SFI1: variants seen among roughly 807,000 people sequenced by gnomAD.
SFI1 encodes the protein SFI1 centrin binding protein, also known as protein SFI1 homolog.
In SFI1, 195 loss-of-function variants were observed where a neutral mutation model predicts 207.5. The ratio of observed to expected loss-of-function variants is 0.94; its 90% confidence interval spans 0.84 to 1.06. The LOEUF is 1.06. SFI1 is among the 50% of genes least tolerant of loss of function. The probability of loss-of-function intolerance (pLI) is 0.00; values close to 1 mark genes in which losing one functional copy is unlikely to be tolerated. For missense variants in SFI1, 1,634 were observed against 1,588.0 expected, an observed-to-expected ratio of 1.03 and a Z score of -0.49; for synonymous variants, 630 against 598.9, an observed-to-expected ratio of 1.05 and a Z score of -0.76.
chr22:31,578,335 T>G, intron 10 of SFI1, 47 bp from the exon 11 acceptor site: 1 of 1,591,900 alleles, frequency 6.3e-7, no homozygotes, highest in South Asian at 1.1e-5. Context: ...ATGCACTGTG[T>G]AGGGGTCAGA....
At chr22:31,559,767 GC>G in intron 7 of SFI1, 2 of 766,504 alleles carry the variant, frequency 2.6e-6, no homozygotes, top group Non-Finnish European at 4.6e-6. Context: ...GGAAAATATA[GC>G]CAGGTCCTAG....
intron 2 of SFI1, among the ~76,000 whole-genome samples, chr22:31,516,284 G>C (rs143850653): frequency 6.6e-6 from 1 of 152,000 alleles, no homozygotes; most frequent in African/African-American, 2.4e-5. Context: ...AGGCCAAGGA[G>C]GGTGGATCAC....
intron 1 of SFI1, among the ~76,000 whole-genome samples, chr22:31,502,959 A>T (rs1357351228): frequency 6.6e-6 from 1 of 150,862 alleles, no homozygotes; most frequent in Non-Finnish European, 1.5e-5. Flanking sequence ...GGAGGCTGAG[A>T]CAGAAGAATC....
intron 10 of SFI1, among the ~76,000 whole-genome samples, chr22:31,576,892 G>A (rs761834393): frequency 3.3e-5 from 5 of 152,000 alleles, no homozygotes; most frequent in Admixed American, 6.6e-5. Context: ...TGATCTGCCC[G>A]CCTCGGCCTT....
chr22:31,497,924 A>G lies in SFI1; in HGVS notation c.-31+1287A>G, dbSNP rs576220446. Among the ~76,000 whole-genome samples the G allele has an allele frequency of 3.9e-5, 6 of 152,348 alleles. No individual in the cohort carries two copies. In the South Asian group the frequency reaches 1.2e-3, roughly 32 times the overall value. On this transcript the variant is annotated intron_variant, in intron 1 of 32. Coordinates refer to ENST00000400288, the MANE Select transcript of SFI1 (RefSeq NM_001007467.3). The stretch of plus-strand genomic sequence containing the variant: ...TACAAAGAGATTAATGTTACTTTAC[A>G]TGTCTGCTAACACAGTATGCATTCT...
rs563958176 is a variant in SFI1 at position 31,599,480 on chromosome 22, C to T, written c.1545-2732C>T. On this transcript the variant is annotated intron_variant, in intron 15 of 32. Coordinates refer to ENST00000400288, the MANE Select transcript of SFI1 (RefSeq NM_001007467.3). ...TAGCTGGGACTATAGGCACACGCCA[C>T]CACGCCCAGCTAATTTTTGTATTTT... Among the ~76,000 whole-genome samples the T allele has an allele frequency of 2.7e-4, 41 of 152,262 alleles. 1 individual carries two copies. In the South Asian group the frequency reaches 8.5e-3, roughly 32 times the overall value.
chr22:31,539,105 G>A (rs1170842144), intron 4 of SFI1, among the ~76,000 whole-genome samples: 1 of 152,106 alleles, frequency 6.6e-6, no homozygotes, highest in Non-Finnish European at 1.5e-5. Flanking sequence ...AATGCCATAT[G>A]CCAAAATCAT....
intron 27 of SFI1, 176 bp downstream of exon 27, chr22:31,614,031 G>A (rs1404749387): frequency 3.1e-5 from 26 of 826,686 alleles, no homozygotes; most frequent in Non-Finnish European, 4.6e-5. Flanking sequence ...CACGGCAAGA[G>A]GGAGAGAATG....
At chr22:31,509,419 T>C (rs878898948) in intron 2 of SFI1, among the ~76,000 whole-genome samples, 1 of 152,284 alleles carries the variant, frequency 6.6e-6, no homozygotes, top group Admixed American at 6.5e-5. Flanking sequence ...TTGGTGTAAG[T>C]CCAAGAATCC....
At chr22:31,562,533 A>G (rs2061819459) in intron 8 of SFI1, among the ~76,000 whole-genome samples, 1 of 152,050 alleles carries the variant, frequency 6.6e-6, no homozygotes, top group South Asian at 2.1e-4. Flanking sequence ...ATTTTCATAA[A>G]CCTTTTTTAA....
At chr22:31,524,188 T>A (rs2057627668) in intron 2 of SFI1, among the ~76,000 whole-genome samples, 1 of 151,936 alleles carries the variant, frequency 6.6e-6, no homozygotes, top group South Asian at 2.1e-4. Flanking sequence ...GGCGACAGAG[T>A]GAGATTCCAT....
At chr22:31,596,242 A>G (rs2067092608) in intron 15 of SFI1, among the ~76,000 whole-genome samples, 1 of 152,070 alleles carries the variant, frequency 6.6e-6, no homozygotes, top group Admixed American at 6.5e-5. Flanking sequence ...TGACAGAGCG[A>G]GACTCCATCT....
rs1320204040 is a variant in SFI1 at position 31,612,393 on chromosome 22, AAAAAAATATATAT to A, written c.2490+555_2490+567del. 5.2e-5 allele frequency: 6 copies of A among 116,190 alleles called. 1 individual carries two copies. Among genetic ancestry groups the A allele is most frequent in the African/African-American group, 2.0e-4 (6 of 29,812 alleles). The allele number at this position is 116,190 out of a possible 1,614,324, so 7.2% of individuals were successfully genotyped here. On this transcript the variant is annotated intron_variant, in intron 24 of 32. Coordinates refer to ENST00000400288, the MANE Select transcript of SFI1 (RefSeq NM_001007467.3). The stretch of plus-strand genomic sequence containing the variant: ...AGACTCTGTCTAAAAAAAAAAAAAA[AAAAAAATATATAT>A]ATATATATATATATATATATAATCA...
At chr22:31,530,063 T>C (rs889813309) in intron 3 of SFI1, among the ~76,000 whole-genome samples, 13 of 145,558 alleles carry the variant, frequency 8.9e-5, no homozygotes, top group Non-Finnish European at 1.5e-4. Flanking sequence ...GCAGATACTC[T>C]CTGGAAGCTG....
chr22:31,592,834 G>T (rs1261944304), intron 15 of SFI1, among the ~76,000 whole-genome samples: 199 of 130,772 alleles, frequency 1.5e-3, no homozygotes, highest in African/African-American at 1.8e-3. Context: ...CCTCCCGGAC[G>T]GGGCGGCTGG....
chr22:31,518,199 C>A (rs1467290547), intron 2 of SFI1, among the ~76,000 whole-genome samples: 3 of 152,120 alleles, frequency 2.0e-5, no homozygotes, highest in Non-Finnish European at 2.9e-5. Flanking sequence ...GTTGGCCAGG[C>A]TGGTGGTCTT....
At chr22:31,547,793 A>G (rs528705451) in intron 5 of SFI1, among the ~76,000 whole-genome samples, 3 of 149,746 alleles carry the variant, frequency 2.0e-5, no homozygotes, top group East Asian at 4.0e-4. Context: ...AATGGCGTGT[A>G]ATGATGAGGT....
At chr22:31,580,154 A>G (rs2063939471) in intron 11 of SFI1, 118 bp from the exon 12 acceptor site, 2 of 695,520 alleles carry the variant, frequency 2.9e-6, no homozygotes, top group Non-Finnish European at 2.5e-6. Context: ...CAGCTACAAG[A>G]AGCTGTGACC....
chr22:31,618,133 G>A lies in SFI1; in HGVS notation c.3531G>A (p.Ala1177=), dbSNP rs1217927841. 1.3e-5 allele frequency: 20 copies of A among 1,580,358 alleles called. No homozygotes were observed. Among genetic ancestry groups the A allele is most frequent in the Admixed American group, 7.5e-5 (4 of 53,298 alleles). Residue 1177 remains alanine (A), a synonymous_variant, in exon 32 of 33, where the codon GCG becomes GCA. Coordinates refer to ENST00000400288, the MANE Select transcript of SFI1 (RefSeq NM_001007467.3). ...KQNLWSCRRQ[A]SSLRRWLELN... ...CCCTCAGGTCCTGTCGGCGGCAAGC[G>A]AGCAGCCTGCGCAGGTGGCTGGAGC...
Sources: gnomAD v4.1 joint callset for allele counts (sites outside exome capture counted in the v4.1 genomes callset) on GRCh38, gnomAD v4.1.1 for gene constraint, MANE v1.5 for transcripts, NCBI Gene and HGNC (gene_info 2026-07-23, HGNC 2026-07-21) for gene names.